Variants in RAD54L observed in about 807,000 individuals in gnomAD.
RAD54L encodes the protein DNA repair and recombination protein RAD54-like.
RAD54L carries 74 observed loss-of-function variants against 91.6 expected under a neutral mutation model. That is an observed-to-expected ratio of 0.81 (90% CI 0.67 to 0.98). RAD54L has a LOEUF of 0.98. Among genes scored for constraint, RAD54L ranks in the 50% least tolerant of loss-of-function variants. The probability of loss-of-function intolerance (pLI) is 0.00; values close to 1 mark genes in which losing one functional copy is unlikely to be tolerated. For synonymous variants in RAD54L, 304 were observed against 349.7 expected, an observed-to-expected ratio of 0.87 and a Z score of 1.46; for missense variants, 887 against 945.7, an observed-to-expected ratio of 0.94 and a Z score of 0.81.
At chr1:46,271,258 T>A (rs1174372747) in intron 10 of RAD54L, among the ~76,000 whole-genome samples, 1 of 152,288 alleles carries the variant, frequency 6.6e-6, no homozygotes, top group Admixed American at 6.5e-5. Context: ...CATTCTGGAC[T>A]CCTTTGTCCA....
intron 3 of RAD54L, among the ~76,000 whole-genome samples, chr1:46,251,325 A>G (rs934178340): frequency 5.9e-5 from 9 of 152,158 alleles, no homozygotes; most frequent in African/African-American, 1.9e-4. Context: ...AAACAACAAC[A>G]AAAAAACAAC....
At chr1:46,270,030 C>T (rs1660375914) in intron 9 of RAD54L, among the ~76,000 whole-genome samples, 1 of 151,722 alleles carries the variant, frequency 6.6e-6, no homozygotes. Flanking sequence ...CCATGATTGC[C>T]CCATTGCATT....
chr1:46,276,820 G>C (rs1447890161), intron 16 of RAD54L, among the ~76,000 whole-genome samples: 1 of 152,068 alleles, frequency 6.6e-6, no homozygotes, highest in Non-Finnish European at 1.5e-5. Context: ...TGTTTTTTGA[G>C]ATGGAGTCTT....
intron 9 of RAD54L, among the ~76,000 whole-genome samples, chr1:46,269,012 G>A (rs1257390945): frequency 1.3e-5 from 2 of 151,994 alleles, no homozygotes; most frequent in Non-Finnish European, 2.9e-5. Flanking sequence ...TGATTCTCTT[G>A]TATCAGCCTC....
intron 3 of RAD54L, among the ~76,000 whole-genome samples, chr1:46,253,907 A>G (rs1021475137): frequency 1.3e-5 from 2 of 151,986 alleles, no homozygotes; most frequent in East Asian, 3.9e-4. Flanking sequence ...GAAGAAAAAA[A>G]ATACATAGTA....
At chr1:46,253,672 G>A (rs1010720666) in intron 3 of RAD54L, among the ~76,000 whole-genome samples, 2 of 148,090 alleles carry the variant, frequency 1.4e-5, no homozygotes, top group South Asian at 2.1e-4. Flanking sequence ...CTGCAATACC[G>A]GATTTCTGTC....
chr1:46,274,070 T>G, intron 14 of RAD54L, 68 bp from the exon 15 acceptor site: 1 of 1,474,282 alleles, frequency 6.8e-7, no homozygotes, highest in Non-Finnish European at 9.4e-7. Flanking sequence ...AAAAAAATTT[T>G]TATTTTTAAT....
rs780047827 is a variant in RAD54L, at chr1:46,273,654, C to T, written c.1517C>T (p.Ala506Val). The change falls in exon 14 of 18, where the codon GCG (alanine) becomes GTG (valine). Residue 506 changes from alanine (A) to valine (V), a missense_variant. Transcript: ENST00000371975. ...GKMLVLDYILAVTRSRSSDKV... is the reference protein window; with the variant it reads ...GKMLVLDYILVVTRSRSSDKV... ...ATGCTGGTCCTGGATTATATTCTGG[C>T]GGTGACCCGAAGCCGTAGCAGTGAC... The T allele has an allele frequency of 1.5e-5, 25 of 1,613,690 alleles. No homozygotes were observed. The East Asian group carries it at 1.6e-4, about 10-fold the overall frequency.
rs1208509558 is a variant in RAD54L, at chr1:46,278,209, G to A, written c.2171G>A (p.Trp724Ter). 1 of 1,613,848 alleles carries A rather than the reference G, an allele frequency of 6.2e-7. No homozygotes were observed. Residue 724 changes from tryptophan (W) to a stop codon, truncating the protein, a stop_gained, in exon 18 of 18, where the codon TGG becomes TAG. Transcript: ENST00000371975. LOFTEE classifies it high-confidence loss of function. ...GLRDEVLQAAWDAASTAITFV... is the reference protein window; with the variant it reads ...GLRDEVLQAA The stretch of plus-strand genomic sequence containing the variant: ...CGGGATGAGGTACTCCAGGCTGCCT[G>A]GGATGCTGCCTCCACTGCCATCACC...
chr1:46,253,573 C>T (rs1025742040), intron 3 of RAD54L, among the ~76,000 whole-genome samples: 1 of 151,664 alleles, frequency 6.6e-6, no homozygotes, highest in African/African-American at 2.4e-5. Context: ...CAAGATTGTG[C>T]CACTGCGCTC....
At chr1:46,261,168 C>G in intron 7 of RAD54L, 93 bp from the exon 8 acceptor site, 1 of 1,570,600 alleles carries the variant, frequency 6.4e-7, no homozygotes, top group Non-Finnish European at 8.7e-7. Flanking sequence ...CAGTTGTTTC[C>G]AGGCTAAATT....
chr1:46,258,812 C>T (rs1660011784), intron 4 of RAD54L, 66 bp downstream of exon 4: 1 of 1,288,120 alleles, frequency 7.8e-7, no homozygotes, highest in South Asian at 1.2e-5. Flanking sequence ...AAATTAAAAA[C>T]CTGCTTTTGT....
At position 46,270,713 on chromosome 1, in the gene RAD54L, A is replaced by T. The variant is rs759223529; in HGVS notation, c.1097A>T (p.Asp366Val). 7 of 1,614,208 alleles carry T rather than the reference A, an allele frequency of 4.3e-6. No individual in the cohort carries two copies. The highest frequency in any genetic ancestry group is 1.1e-5 in the South Asian group (1 of 91,084). ...GAATTGCCAATTTTGAAGGGTCGAGACGCTGCTGCTAGTGAGGCAGACAGG... is the reference window on the plus strand; with the variant it reads ...GAATTGCCAATTTTGAAGGGTCGAGTCGCTGCTGCTAGTGAGGCAGACAGG... ...HFELPILKGR[D>V]AAASEADRQL... The change falls in exon 10 of 18, where the codon GAC (aspartate) becomes GTC (valine). Residue 366 changes from aspartate to valine, a missense_variant. Transcript: ENST00000371975.
intron 16 of RAD54L, 141 bp from the exon 17 acceptor site, chr1:46,277,676 A>G (rs1660652306): frequency 4.2e-6 from 4 of 959,138 alleles, no homozygotes; most frequent in Admixed American, 3.8e-5. Flanking sequence ...CTGAGTAGAG[A>G]TAATGTTCTG....
At chr1:46,257,280 T>A (rs1363206841) in intron 3 of RAD54L, among the ~76,000 whole-genome samples, 1 of 152,046 alleles carries the variant, frequency 6.6e-6, no homozygotes, top group African/African-American at 2.4e-5. Context: ...CCTATTAGAC[T>A]ATGTTTTTTG....
chr1:46,276,366 T>C (rs1660602387), intron 16 of RAD54L, among the ~76,000 whole-genome samples: 2 of 152,136 alleles, frequency 1.3e-5, no homozygotes, highest in South Asian at 4.1e-4. Flanking sequence ...GGTCTTGCTA[T>C]GTTGCCTAGG....
intron 16 of RAD54L, 71 bp downstream of exon 16, chr1:46,274,788 T>C (rs959863804): frequency 9.5e-6 from 15 of 1,583,644 alleles, no homozygotes; most frequent in Non-Finnish European, 1.3e-5. Flanking sequence ...TCTTGTTCCT[T>C]AGTGCCTCTC....
chr1:46,260,488 G>A (rs746174568), intron 5 of RAD54L, 54 bp from the exon 6 acceptor site: 11 of 1,539,182 alleles, frequency 7.1e-6, no homozygotes, highest in Non-Finnish European at 9.9e-6. Context: ...GCTTCCTGAG[G>A]GTGCTCCCTT....
At position 46,258,766 on chromosome 1, in the gene RAD54L, G is replaced by A. The variant is rs373053442; in HGVS notation, c.271+20G>A. On this transcript the variant is annotated intron_variant, in intron 4 of 17. Transcript: ENST00000371975. ...ATCAAGGTAAAATGGAGGTTTTTCT[G>A]TTTTTGAAATCAGTCATATGTACGT... 5.5e-5 allele frequency: 85 copies of A among 1,557,614 alleles called. No homozygotes were observed. The highest frequency in any genetic ancestry group is 7.3e-5 in the Non-Finnish European group (82 of 1,128,834).
Sources: allele counts gnomAD v4.1 joint callset (sites outside exome capture counted in the v4.1 genomes callset), GRCh38; gene constraint gnomAD v4.1.1; transcripts MANE v1.5; gene names NCBI Gene and HGNC (gene_info 2026-07-23, HGNC 2026-07-21).